The following ROR1 variants were observed in gnomAD, a reference collection of about 807,000 sequenced individuals.
The protein encoded by ROR1 is inactive tyrosine-protein kinase transmembrane receptor ROR1.
Under a neutral mutation model 78.8 loss-of-function variants are expected in ROR1, and 19 were observed. The ratio of observed to expected loss-of-function variants is 0.24; its 90% CI spans 0.17 to 0.35. ROR1 has a LOEUF of 0.35. Among genes scored for constraint, ROR1 ranks in the 10% least tolerant of loss-of-function variants. ROR1 has a pLI of 1.00. For synonymous variants in ROR1, 386 were observed against 433.6 expected (o/e 0.89, Z 1.36); for missense variants, 917 against 1,177.8 (o/e 0.78, Z 3.24).
chr1:64,052,705 C>T (rs573566221), intron 4 of ROR1, among the ~76,000 whole-genome samples: 38 of 152,266 alleles, frequency 2.5e-4, no homozygotes, highest in African/African-American at 8.4e-4. Flanking sequence ...TTACATTAGT[C>T]GGTAATAGCA....
chr1:64,135,806 T>C (rs1032299876), intron 4 of ROR1, among the ~76,000 whole-genome samples: 1 of 152,216 alleles, frequency 6.6e-6, no homozygotes, highest in African/African-American at 2.4e-5. Flanking sequence ...GTTAAGTTTT[T>C]AAGAGCTTTG....
chr1:63,959,119 G>T (rs1288471997), intron 1 of ROR1, among the ~76,000 whole-genome samples: 5 of 152,188 alleles, frequency 3.3e-5, no homozygotes, highest in African/African-American at 9.7e-5. Flanking sequence ...AATCATGACT[G>T]AAGGGGAAGC....
At chr1:63,987,355 A>G (rs1473599378) in intron 1 of ROR1, among the ~76,000 whole-genome samples, 1 of 152,160 alleles carries the variant, frequency 6.6e-6, no homozygotes, top group African/African-American at 2.4e-5. Context: ...ATAAACAGCA[A>G]TTGTCTTTAA....
intron 1 of ROR1, among the ~76,000 whole-genome samples, chr1:63,934,272 C>T (rs935835143): frequency 2.0e-5 from 3 of 152,116 alleles, no homozygotes; most frequent in African/African-American, 7.2e-5. Flanking sequence ...AGCTAGACCC[C>T]CCTGGTTTGA....
At chr1:63,811,965 T>G (rs552974224) in intron 1 of ROR1, among the ~76,000 whole-genome samples, 71 of 150,274 alleles carry the variant, frequency 4.7e-4, no homozygotes, top group Middle Eastern at 6.8e-3. Flanking sequence ...GAGGTGTTTT[T>G]TTTTTTTTTT....
At chr1:63,964,213 C>T (rs1646055842) in intron 1 of ROR1, among the ~76,000 whole-genome samples, 1 of 152,170 alleles carries the variant, frequency 6.6e-6, no homozygotes, top group South Asian at 2.1e-4. Context: ...GTTCACAGCT[C>T]TTTGCTACCA....
chr1:64,071,793 A>T (rs934070102), intron 4 of ROR1, among the ~76,000 whole-genome samples: 2 of 152,190 alleles, frequency 1.3e-5, no homozygotes, highest in Non-Finnish European at 2.9e-5. Flanking sequence ...GGTCTCTTAG[A>T]ATAGCTATAG....
chr1:64,124,661 G>A (rs763745542), intron 4 of ROR1, among the ~76,000 whole-genome samples: 1 of 152,114 alleles, frequency 6.6e-6, no homozygotes, highest in African/African-American at 2.4e-5. Flanking sequence ...TGAAACGTAC[G>A]TCCATCAGTT....
At chr1:63,892,195 A>G (rs1645402747) in intron 1 of ROR1, among the ~76,000 whole-genome samples, 2 of 152,194 alleles carry the variant, frequency 1.3e-5, no homozygotes, top group Non-Finnish European at 2.9e-5. Context: ...ATTTCCTTGA[A>G]TCTCACAATT....
chr1:63,944,322 A>G (rs1333213556), intron 1 of ROR1, among the ~76,000 whole-genome samples: 2 of 152,222 alleles, frequency 1.3e-5, no homozygotes, highest in East Asian at 1.9e-4. Context: ...ACACTTCACA[A>G]AAAAAGGAAG....
chr1:64,174,613 G>A (rs1326499648), intron 8 of ROR1, among the ~76,000 whole-genome samples: 1 of 152,086 alleles, frequency 6.6e-6, no homozygotes, highest in Non-Finnish European at 1.5e-5. Context: ...GTCCCTTAAA[G>A]TTCTCTGTCT....
chr1:64,139,165 A>C (rs12732154), intron 5 of ROR1, among the ~76,000 whole-genome samples: 1 of 119,224 alleles, frequency 8.4e-6, no homozygotes, highest in African/African-American at 3.9e-5. Flanking sequence ...AGACTGTCTC[A>C]AAAAAAAAAA....
intron 1 of ROR1, among the ~76,000 whole-genome samples, chr1:63,978,018 G>C (rs921395642): frequency 6.6e-6 from 1 of 152,068 alleles, no homozygotes; most frequent in Non-Finnish European, 1.5e-5. Context: ...AGTGCCTTAG[G>C]GACCATCAAC....
intron 1 of ROR1, among the ~76,000 whole-genome samples, chr1:63,953,382 C>T (rs973600794): frequency 1.3e-5 from 2 of 152,128 alleles, no homozygotes; most frequent in Admixed American, 6.5e-5. Flanking sequence ...TACTATGTTT[C>T]CTACACATGT....
At chr1:63,867,181 G>C (rs1274751065) in intron 1 of ROR1, among the ~76,000 whole-genome samples, 1 of 152,200 alleles carries the variant, frequency 6.6e-6, no homozygotes, top group Non-Finnish European at 1.5e-5. Context: ...TTGTTCATTA[G>C]AGTATTCCTA....
intron 3 of ROR1, 148 bp downstream of exon 3, chr1:64,050,126 AT>A: frequency 1.1e-6 from 1 of 896,488 alleles, no homozygotes; most frequent in Non-Finnish European, 1.7e-6. Context: ...GGTTGTACCC[AT>A]TTTACAAATA....
intron 2 of ROR1, among the ~76,000 whole-genome samples, chr1:64,045,078 T>A (rs1164311147): frequency 6.6e-6 from 1 of 152,226 alleles, no homozygotes; most frequent in African/African-American, 2.4e-5. Context: ...TTTAATAGAT[T>A]ATGAAAAGTT....
At chr1:64,009,407 G>C (rs746552151) in intron 2 of ROR1, 31 bp downstream of exon 2, 1 of 1,526,926 alleles carries the variant, frequency 6.5e-7, no homozygotes, top group Non-Finnish European at 9.1e-7. Context: ...GGGGAGGCGA[G>C]GAAAGAGGTG....
intron 4 of ROR1, among the ~76,000 whole-genome samples, chr1:64,069,262 C>A (rs1049138660): frequency 6.6e-6 from 1 of 152,026 alleles, no homozygotes; most frequent in African/African-American, 2.4e-5. Flanking sequence ...TCTTTTTGCA[C>A]AACAAACTTT....
Sources: allele counts gnomAD v4.1 joint callset (sites outside exome capture counted in the v4.1 genomes callset), GRCh38; gene constraint gnomAD v4.1.1; transcripts MANE v1.5; gene names NCBI Gene and HGNC (gene_info 2026-07-23, HGNC 2026-07-21).